PPP3CB: variants seen among roughly 807,000 people sequenced by gnomAD.
The protein encoded by PPP3CB is serine/threonine-protein phosphatase 2B catalytic subunit beta isoform.
A neutral mutation model predicts 66.4 loss-of-function variants in PPP3CB; 8 were observed. That is an observed-to-expected ratio of 0.12 (90% CI 0.07 to 0.22). The LOEUF (loss-of-function observed/expected upper bound fraction) is 0.22, where lower values mean the gene tolerates loss of function less well. Ranked by LOEUF, PPP3CB falls within the 10% of genes least tolerant of loss-of-function variation. The pLI is 1.00. For missense variants in PPP3CB, 319 were observed against 642.5 expected, an observed-to-expected ratio of 0.50 and a Z score of 5.44; for synonymous variants, 208 against 221.2, an observed-to-expected ratio of 0.94 and a Z score of 0.53.
At chr10:73,467,509 G>GT in intron 9 of PPP3CB, 44 bp downstream of exon 9, 1 of 1,385,086 alleles carries the variant, frequency 7.2e-7, no homozygotes, top group Non-Finnish European at 9.5e-7. Flanking sequence ...TGGAGTAAAT[G>GT]TAACAGTAAT....
chr10:73,495,948 G>A lies in PPP3CB; in HGVS notation c.-59C>T. The A allele has an allele frequency of 9.5e-7, 1 of 1,054,032 alleles. No individual in the cohort carries two copies. Among genetic ancestry groups the A allele is most frequent in the South Asian group, 4.8e-5 (1 of 20,904 alleles). The allele number at this position is 1,054,032 out of a possible 1,614,324, so 65.3% of individuals were successfully genotyped here. A position where few individuals can be genotyped will look rare whatever the true frequency, so the allele number is the denominator to read the frequency against. On this transcript the variant is annotated 5_prime_UTR_variant, in exon 1 of 14. Coordinates refer to ENST00000360663, the MANE Select transcript of PPP3CB (RefSeq NM_021132.4). Reference sequence around the variant, plus strand: ...GGCGGGGTTGGGGGCGGGGGCGGCGGCTACCAGAGCCAAGCGGCGGCGCCG... The same window carrying A: ...GGCGGGGTTGGGGGCGGGGGCGGCGACTACCAGAGCCAAGCGGCGGCGCCG...
chr10:73,464,078 C>T (rs1314729425), intron 9 of PPP3CB, among the ~76,000 whole-genome samples: 10 of 152,162 alleles, frequency 6.6e-5, no homozygotes, highest in East Asian at 3.9e-4. Flanking sequence ...TACAGGCGCC[C>T]GCCACCACAC....
At chr10:73,474,033 G>GA (rs2056745319) in intron 4 of PPP3CB, among the ~76,000 whole-genome samples, 1 of 151,962 alleles carries the variant, frequency 6.6e-6, no homozygotes, top group Non-Finnish European at 1.5e-5. Context: ...TTTCCTGTTA[G>GA]AAAAAATATA....
intron 1 of PPP3CB, among the ~76,000 whole-genome samples, chr10:73,485,456 T>A (rs972968949): frequency 1.3e-5 from 2 of 152,166 alleles, no homozygotes; most frequent in Admixed American, 6.6e-5. Flanking sequence ...CTATGAGGCC[T>A]CTGACTTCAA....
In PPP3CB at chr10:73,495,852, G is replaced by A. The variant is rs763806354; in HGVS notation, c.38C>T (p.Pro13Leu). 6.8e-7 allele frequency: 1 copy of A among 1,466,974 alleles called. No individual in the cohort carries two copies. The highest frequency in any genetic ancestry group is 9.0e-7 in the Non-Finnish European group (1 of 1,107,518). The allele number at this position is 1,466,974 out of a possible 1,614,324, so 90.9% of individuals were successfully genotyped here. A position where few individuals can be genotyped will look rare whatever the true frequency, so the allele number is the denominator to read the frequency against. ...GGGAGGGGGCGGCGGGGGCGGGGGTGGGGGCGGTGCAGCCCGGGCCGGCTC... is the reference window on the plus strand; with the variant it reads ...GGGAGGGGGCGGCGGGGGCGGGGGTAGGGGCGGTGCAGCCCGGGCCGGCTC... ...APEPARAAPP[P>L]PPPPPPPPGA... Residue 13 changes from proline to leucine, a missense_variant, in exon 1 of 14, where the codon CCA becomes CTA. Physicochemically the swap from Pro to Leu is moderately conservative, Grantham distance 98. This residue lies in a region of PPP3CB where 104 missense variants were observed against 128.4 expected (regional missense o/e 0.81). Transcript: ENST00000360663.
chr10:73,492,355 CA>C (rs1379738090), intron 1 of PPP3CB, among the ~76,000 whole-genome samples: 1 of 152,106 alleles, frequency 6.6e-6, no homozygotes, highest in Non-Finnish European at 1.5e-5. Context: ...TCCAGCTTTA[CA>C]AATCTAGAAC....
chr10:73,494,092 T>G (rs2057126013), intron 1 of PPP3CB, among the ~76,000 whole-genome samples: 1 of 151,808 alleles, frequency 6.6e-6, no homozygotes, highest in African/African-American at 2.4e-5. Context: ...AATGAAGAGG[T>G]AGCCAATGTC....
At chr10:73,467,313 G>T in intron 9 of PPP3CB, 1 of 248,138 alleles carries the variant, frequency 4.0e-6, no homozygotes. Context: ...TCCAACAGCT[G>T]AAGACATTGG....
intron 12 of PPP3CB, among the ~76,000 whole-genome samples, chr10:73,441,437 C>G (rs1419704938): frequency 6.7e-6 from 1 of 150,046 alleles, no homozygotes; most frequent in East Asian, 1.9e-4. Flanking sequence ...CATCTCCCCC[C>G]AAAAAAAGTT....
Position 73,475,811 on chromosome 10 carries a change from G to A in PPP3CB, c.412-781C>T, listed in dbSNP as rs532620258. Among the ~76,000 whole-genome samples the A allele has an allele frequency of 3.3e-5, 5 of 152,234 alleles. No homozygotes were observed. The South Asian group carries it at 1.0e-3, about 32-fold the overall frequency. ...TTGCTTAAAAAAGGAAGAAATATTT[G>A]ATATGGAAATAAGCATGGTTTATAT... On this transcript the variant is annotated intron_variant, in intron 3 of 13. Transcript: ENST00000360663.
intron 2 of PPP3CB, 56 bp downstream of exon 2, chr10:73,479,261 C>A: frequency 4.0e-6 from 6 of 1,482,842 alleles, no homozygotes; most frequent in Non-Finnish European, 4.7e-6. Flanking sequence ...GTTGTAAATC[C>A]AGGCAACTAA....
chr10:73,480,635 G>A (rs1313939027), intron 1 of PPP3CB, among the ~76,000 whole-genome samples: 7 of 151,952 alleles, frequency 4.6e-5, no homozygotes, highest in Non-Finnish European at 1.0e-4. Context: ...AGTAGAGACC[G>A]GGTTTCACCA....
At chr10:73,467,051 T>C (rs1423771522) in intron 9 of PPP3CB, 1 of 152,184 alleles carries the variant, frequency 6.6e-6, no homozygotes, top group East Asian at 1.9e-4. Context: ...ACTAAAATTT[T>C]ATACATATTT....
In PPP3CB at chr10:73,495,809, G is replaced by A. The variant is rs570380859; in HGVS notation, c.81C>T (p.Val27=). ...AGGGTTTCGTCCACCTCTCACCTTT[G>A]ACGACGCGGTCAGCCCCGGGAGGGG... ...PPPPPGADRV[V]KAVPFPPTHR... is the part of the protein sequence containing the mutation. The change falls in exon 1 of 14, where the codon GTC becomes GTT. Residue 27 remains valine, a synonymous_variant. Transcript: ENST00000360663. The A allele has an allele frequency of 6.5e-7, 1 of 1,534,786 alleles. No homozygotes were observed. Among genetic ancestry groups the A allele is most frequent in the South Asian group, 1.1e-5 (1 of 88,396 alleles).
chr10:73,445,124 A>T (rs78017725), intron 11 of PPP3CB, among the ~76,000 whole-genome samples: 7,089 of 152,218 alleles, frequency 0.047, 504 homozygotes, highest in African/African-American at 0.15. Flanking sequence ...TGAAGTTCAA[A>T]TGTCTGATGT....
At position 73,495,929 on chromosome 10, in the gene PPP3CB, G is replaced by A. The variant is rs1368776479; in HGVS notation, c.-40C>T. The A allele has an allele frequency of 4.7e-6, 2 of 426,202 alleles. No individual in the cohort carries two copies. Among genetic ancestry groups the A allele is most frequent in the Non-Finnish European group, 7.2e-6 (2 of 276,190 alleles). The allele number at this position is 426,202 out of a possible 1,614,324, so 26.4% of individuals were successfully genotyped here. On this transcript the variant is annotated 5_prime_UTR_variant, in exon 1 of 14. Transcript: ENST00000360663. ...TCGGCTAGGCTCTGGGCCGGGCGGG[G>A]TTGGGGGCGGGGGCGGCGGCTACCA... is the stretch of plus-strand genomic sequence containing the variant.
At chr10:73,481,644 A>T (rs181419007) in intron 1 of PPP3CB, among the ~76,000 whole-genome samples, 4 of 151,936 alleles carry the variant, frequency 2.6e-5, no homozygotes, top group Non-Finnish European at 5.9e-5. Context: ...ACAAAAAAAA[A>T]AACTAGGTTA....
At chr10:73,476,137 G>A (rs953826861) in intron 3 of PPP3CB, among the ~76,000 whole-genome samples, 6 of 151,940 alleles carry the variant, frequency 3.9e-5, no homozygotes, top group Admixed American at 2.6e-4. Context: ...GCGATTACAG[G>A]TGTGAGCCAC....
intron 1 of PPP3CB, among the ~76,000 whole-genome samples, chr10:73,490,197 C>T (rs775036428): frequency 3.3e-5 from 5 of 152,174 alleles, no homozygotes; most frequent in Non-Finnish European, 7.4e-5. Context: ...TTCAAGGCCC[C>T]TTTGCTTCTA....
Sources: gnomAD v4.1 joint callset for allele counts (sites outside exome capture counted in the v4.1 genomes callset) on GRCh38, gnomAD v4.1.1 for gene constraint, gnomAD v4.1.1 regional missense constraint, MANE v1.5 for transcripts, NCBI Gene and HGNC (gene_info 2026-07-23, HGNC 2026-07-21) for gene names.